XPO1: variants seen among roughly 807,000 people sequenced by gnomAD.
The protein encoded by XPO1 is exportin 1.
Under a neutral mutation model 133.3 loss-of-function variants are expected in XPO1, and 5 were observed. The observed-to-expected ratio is 0.04, with a 90% CI of 0.02 to 0.08. The LOEUF is 0.08. Ranked by LOEUF, XPO1 falls within the 10% of genes least tolerant of loss-of-function variation. The pLI, the probability that XPO1 is intolerant of heterozygous loss-of-function variation, is 1.00. For missense variants in XPO1, 506 were observed against 1,267.5 expected (o/e 0.40, Z 9.12); for synonymous variants, 419 against 408.2 (o/e 1.03, Z -0.32).
intron 2 of XPO1, among the ~76,000 whole-genome samples, chr2:61,529,406 C>T (rs1699055196): frequency 6.6e-6 from 1 of 152,004 alleles, no homozygotes. Context: ...GCCTGTAATC[C>T]CAACACTTTG....
chr2:61,498,091 C>T (rs573418337), intron 9 of XPO1, among the ~76,000 whole-genome samples: 4 of 152,236 alleles, frequency 2.6e-5, no homozygotes, highest in Admixed American at 2.0e-4. Context: ...TCTGGATAAA[C>T]CACTGTAGAA....
chr2:61,497,076 T>C (rs1323768361), intron 9 of XPO1, 69 bp from the exon 10 acceptor site: 2 of 1,533,322 alleles, frequency 1.3e-6, no homozygotes, highest in East Asian at 2.3e-5. Context: ...AAATTCACAA[T>C]TAAAAGGAAA....
chr2:61,491,453 AAAAC>A (rs1456759488), intron 16 of XPO1, among the ~76,000 whole-genome samples: 8 of 101,790 alleles, frequency 7.9e-5, no homozygotes, highest in African/African-American at 1.7e-4. Context: ...TCCATCTCAA[AAAAC>A]AAACACACAC....
intron 4 of XPO1, among the ~76,000 whole-genome samples, chr2:61,510,328 T>C (rs1698026385): frequency 6.6e-6 from 1 of 152,122 alleles, no homozygotes; most frequent in Admixed American, 6.6e-5. Flanking sequence ...AGATGGTCAA[T>C]AAAATAGTGA....
chr2:61,482,607 GTTTTGT>G (rs1218448863), intron 22 of XPO1, 68 bp from the exon 23 acceptor site: 55 of 1,277,442 alleles, frequency 4.3e-5, no homozygotes, highest in African/African-American at 3.0e-4. Flanking sequence ...GTTTTTTTTT[GTTTTGT>G]TTTTTTTTTT....
rs1699424222 is a variant in XPO1, at chr2:61,537,858, A to C, written c.-303T>G. 1 of 150,678 alleles carries C rather than the reference A, an allele frequency of 6.6e-6. No homozygotes were observed. The highest frequency in any genetic ancestry group is 1.4e-5 in the Non-Finnish European group (1 of 69,792). 9.3% of individuals were successfully genotyped at this position (150,678 alleles called of 1,614,324 possible). On this transcript the variant is annotated 5_prime_UTR_variant, in exon 1 of 25. Coordinates refer to ENST00000401558, the MANE Select transcript of XPO1 (RefSeq NM_003400.4). ...CCGGCTGGGGAGTGAGGGAAGGGGG[A>C]GGGAACGGGGTCAAGTCCCAAAGAT...
rs895613854 is a variant in XPO1, at chr2:61,505,204, G to A, written c.302-2894C>T. Among the ~76,000 whole-genome samples the A allele has an allele frequency of 2.0e-5, 3 of 151,806 alleles. No homozygotes were observed. The East Asian group carries it at 5.8e-4, about 29-fold the overall frequency. On this transcript the variant is annotated intron_variant, in intron 4 of 24. Coordinates refer to ENST00000401558, the MANE Select transcript of XPO1 (RefSeq NM_003400.4). Reference sequence around the variant, plus strand: ...TTTTCCTGGTCTCATTGTTGCTGGGGCTGGCCTTGAACTCCAAACCTCAAG... The same window carrying A: ...TTTTCCTGGTCTCATTGTTGCTGGGACTGGCCTTGAACTCCAAACCTCAAG...
At chr2:61,528,615 G>A (rs1699011438) in intron 2 of XPO1, among the ~76,000 whole-genome samples, 1 of 147,928 alleles carries the variant, frequency 6.8e-6, no homozygotes, top group Non-Finnish European at 1.5e-5. Flanking sequence ...TTGCCCCAGT[G>A]CACTCCAACC....
chr2:61,506,816 GTC>G (rs1697842539), intron 4 of XPO1, among the ~76,000 whole-genome samples: 1 of 152,070 alleles, frequency 6.6e-6, no homozygotes, highest in Non-Finnish European at 1.5e-5. Flanking sequence ...CCCATTACTG[GTC>G]TCTGACTTTT....
Position 61,482,033 on chromosome 2 carries a change from C to CT in XPO1, c.2972+346_2972+347insA, listed in dbSNP as rs1491506588. 9.1e-3 allele frequency among the ~76,000 whole-genome samples: 789 copies of CT among 86,744 alleles called. 155 individuals carry two copies. The highest frequency in any genetic ancestry group is 0.044 in the South Asian group (92 of 2,082). 56.9% of individuals were successfully genotyped at this position (86,744 alleles called of 152,430 possible). ...TACAGTCATGAGCCACCGTGCGTGG[C>CT]CTTTTTTTTTTTTTTTTTTTTTTTG... On this transcript the variant is annotated intron_variant, in intron 23 of 24. Coordinates refer to ENST00000401558, the MANE Select transcript of XPO1 (RefSeq NM_003400.4).
chr2:61,509,626 C>CAAAAAAAAGGA (rs544673443), intron 4 of XPO1, among the ~76,000 whole-genome samples: 1 of 149,442 alleles, frequency 6.7e-6, no homozygotes, highest in African/African-American at 2.5e-5. Context: ...AACTCTGTCT[C>CAAAAAAAAGGA]AAAAAAAAGG....
chr2:61,534,865 C>A (rs2104851902), intron 1 of XPO1, among the ~76,000 whole-genome samples: 1 of 119,200 alleles, frequency 8.4e-6, no homozygotes, highest in African/African-American at 3.6e-5. Flanking sequence ...TTTCAACCCT[C>A]AATGAATTGG....
Position 61,522,700 on chromosome 2 carries a change from A to G in XPO1, c.229-17T>C. 1 of 1,588,484 alleles carries G rather than the reference A, an allele frequency of 6.3e-7. No individual in the cohort carries two copies. The highest frequency in any genetic ancestry group is 8.6e-7 in the Non-Finnish European group (1 of 1,157,302). ...TCCATAGTACTGAAAATTGGAGAAT[A>G]GAAGCATGTGAATATATTGCTTATA... On this transcript the variant is annotated splice_polypyrimidine_tract_variant and intron_variant, in intron 3 of 24. Transcript: ENST00000401558.
chr2:61,492,802 G>A lies in XPO1; in HGVS notation c.1385-54C>T, dbSNP rs1045407379. 6.3e-7 allele frequency: 1 copy of A among 1,579,474 alleles called. No individual in the cohort carries two copies. Among genetic ancestry groups the A allele is most frequent in the African/African-American group, 1.4e-5 (1 of 73,586 alleles). ...AAATAATGAGCAGAATTTTATTGAT[G>A]AGTAACAATACATTTAGAAAATATT... On this transcript the variant is annotated intron_variant, in intron 13 of 24. Transcript: ENST00000401558. The surrounding 1 kb of genome is among the most constrained non-coding windows in gnomAD (Gnocchi z 5.6).
chr2:61,481,065 G>C (rs1298740665), intron 24 of XPO1, 120 bp downstream of exon 24: 2 of 575,560 alleles, frequency 3.5e-6, no homozygotes, highest in African/African-American at 3.9e-5. Flanking sequence ...TTGTGTAAAC[G>C]TATTATCTTG....
intron 1 of XPO1, among the ~76,000 whole-genome samples, chr2:61,535,432 T>C (rs1300575241): frequency 6.6e-6 from 1 of 152,216 alleles, no homozygotes; most frequent in South Asian, 2.1e-4. Flanking sequence ...TTAGGAACTT[T>C]CGTGGACCAG....
chr2:61,490,199 A>AT (rs1192220491), intron 17 of XPO1, among the ~76,000 whole-genome samples: 33 of 94,306 alleles, frequency 3.5e-4, no homozygotes, highest in Admixed American at 2.8e-3. Flanking sequence ...CAGATTTTTC[A>AT]TTTATTTTTT....
At chr2:61,501,721 CAAAAAAAAA>C (rs34659499) in intron 6 of XPO1, among the ~76,000 whole-genome samples, 1 of 111,438 alleles carries the variant, frequency 9.0e-6, no homozygotes, top group Non-Finnish European at 1.8e-5. Flanking sequence ...AGACTGTCTC[CAAAAAAAAA>C]AAAAAAAGAA....
At chr2:61,482,808 G>A in intron 22 of XPO1, 149 bp downstream of exon 22, 2 of 934,940 alleles carry the variant, frequency 2.1e-6, no homozygotes, top group South Asian at 3.3e-5. Flanking sequence ...GGTATTTTTA[G>A]TACAGACAGT....
Sources: allele counts gnomAD v4.1 joint callset (sites outside exome capture counted in the v4.1 genomes callset), GRCh38; gene constraint gnomAD v4.1.1; non-coding constraint Gnocchi (gnomAD v3.1); transcripts MANE v1.5; gene names NCBI Gene and HGNC (gene_info 2026-07-23, HGNC 2026-07-21).